The following DST variants were observed in gnomAD, a reference collection of about 807,000 sequenced individuals.
DST encodes dystonin.
Under a neutral mutation model 875.2 loss-of-function variants are expected in DST, and 253 were observed. That is an observed-to-expected ratio of 0.29 (90% CI 0.26 to 0.32). The LOEUF is 0.32. Among genes scored for constraint, DST ranks in the 10% least tolerant of loss-of-function variants. DST has a pLI of 1.00. For missense variants in DST, 8,287 were observed against 9,111.6 expected, an observed-to-expected ratio of 0.91 and a Z score of 3.68; for synonymous variants, 3,124 against 3,197.1, an observed-to-expected ratio of 0.98 and a Z score of 0.77.
chr6:56,588,549 G>A (rs1425879359), intron 49 of DST, among the ~76,000 whole-genome samples: 2 of 152,024 alleles, frequency 1.3e-5, no homozygotes, highest in East Asian at 3.9e-4. Context: ...CATCCCTTTT[G>A]GCTTTCTATT....
In DST at chr6:56,607,710, T is replaced by G. The variant is rs1486827364; in HGVS notation, c.6918A>C (p.Glu2306Asp). The change falls in exon 40 of 104, where the codon GAA becomes GAC. Residue 2306 changes from glutamate (E) to aspartate (D), a missense_variant. By Grantham distance (45) the Glu-to-Asp change is conservative. Coordinates refer to ENST00000680361, the MANE Select transcript of DST (RefSeq NM_001374736.1). Reference sequence around the variant, plus strand: ...CACTATTGATAACAGTATTTCTCATTTCATTAAATTCTTCATCTATAGCAC... The same window carrying G: ...CACTATTGATAACAGTATTTCTCATGTCATTAAATTCTTCATCTATAGCAC... ...RKCAIDEEFN[E>D]MRNTVINSEF... 5.0e-6 allele frequency: 8 copies of G among 1,613,502 alleles called. No homozygotes were observed. Among genetic ancestry groups the G allele is most frequent in the Non-Finnish European group, 6.8e-6 (8 of 1,179,654 alleles).
chr6:56,532,478 A>C lies in DST; in HGVS notation c.16974T>G (p.Ser5658=). ...LLQRLLDDRK[S]TVEVIKREGE... Reference sequence around the variant, plus strand: ...CTTCTCGTTTGATTACCTCCACCGTAGATTTTCGGTCATCCAACAATCTCT... The same window carrying C: ...CTTCTCGTTTGATTACCTCCACCGTCGATTTTCGGTCATCCAACAATCTCT... The change falls in exon 64 of 104, where the codon TCT becomes TCG. Residue 5658 remains serine (S), a synonymous_variant. Transcript: ENST00000680361. The C allele has an allele frequency of 6.2e-7, 1 of 1,606,820 alleles. No individual in the cohort carries two copies. Among genetic ancestry groups the C allele is most frequent in the Non-Finnish European group, 8.5e-7 (1 of 1,176,288 alleles).
chr6:56,497,555 T>G (rs377463712), intron 81 of DST, 48 bp from the exon 82 acceptor site: 2 of 1,595,774 alleles, frequency 1.3e-6, no homozygotes, highest in African/African-American at 1.3e-5. Flanking sequence ...ACTGTCAGTT[T>G]CAAGCAGGAA....
intron 3 of DST, chr6:56,861,840 T>C (rs1403751643): frequency 1.3e-5 from 2 of 152,134 alleles, no homozygotes; most frequent in Non-Finnish European, 2.9e-5. Flanking sequence ...CCCCAGAACC[T>C]TAACACAATT....
chr6:56,564,802 C>T (rs1022827317), intron 55 of DST, among the ~76,000 whole-genome samples: 1 of 152,090 alleles, frequency 6.6e-6, no homozygotes, highest in African/African-American at 2.4e-5. Context: ...TTATCGAAGG[C>T]CTTTTCTGCA....
At chr6:56,906,910 GAGGTGA>G (rs1449484580) in intron 2 of DST, among the ~76,000 whole-genome samples, 8 of 152,158 alleles carry the variant, frequency 5.3e-5, no homozygotes, top group Non-Finnish European at 7.3e-5. Context: ...TAACAGATGT[GAGGTGA>G]TAGCTCACTG....
intron 2 of DST, among the ~76,000 whole-genome samples, chr6:56,946,714 T>C (rs1819666448): frequency 6.6e-6 from 1 of 152,206 alleles, no homozygotes; most frequent in African/African-American, 2.4e-5. Flanking sequence ...GAGCTATTAC[T>C]TGATACATTA....
intron 92 of DST, 41 bp from the exon 93 acceptor site, chr6:56,474,043 A>C (rs979662980): frequency 5.9e-6 from 9 of 1,534,022 alleles, no homozygotes; most frequent in Non-Finnish European, 7.9e-6. Context: ...AAGAGTTACT[A>C]CAGAAAACCG....
intron 4 of DST, among the ~76,000 whole-genome samples, chr6:56,799,318 G>A (rs1013789152): frequency 2.0e-5 from 3 of 151,628 alleles, no homozygotes; most frequent in Non-Finnish European, 4.4e-5. Context: ...TTGTGCCACT[G>A]TGCTCCAGCC....
intron 2 of DST, among the ~76,000 whole-genome samples, chr6:56,936,128 C>T (rs1398122972): frequency 6.6e-6 from 1 of 152,086 alleles, no homozygotes; most frequent in Non-Finnish European, 1.5e-5. Flanking sequence ...CTGTCAAAAT[C>T]CTACAAGATT....
intron 61 of DST, 37 bp from the exon 62 acceptor site, chr6:56,536,977 T>A: frequency 6.3e-7 from 1 of 1,588,936 alleles, no homozygotes; most frequent in Non-Finnish European, 8.6e-7. Context: ...TGAGTTATAT[T>A]ACCTATCAAC....
intron 4 of DST, among the ~76,000 whole-genome samples, chr6:56,814,987 G>C (rs575185706): frequency 2.0e-4 from 31 of 152,240 alleles, no homozygotes; most frequent in African/African-American, 6.7e-4. Context: ...GGGGGCAAAG[G>C]CTGCAGAGCC....
At chr6:56,818,846 C>G (rs1157566746) in intron 4 of DST, among the ~76,000 whole-genome samples, 1 of 152,144 alleles carries the variant, frequency 6.6e-6, no homozygotes, top group Non-Finnish European at 1.5e-5. Flanking sequence ...TCCATAGGAA[C>G]TGGTTTCCTA....
chr6:56,694,771 C>G (rs979101134), intron 9 of DST, among the ~76,000 whole-genome samples: 4 of 151,952 alleles, frequency 2.6e-5, no homozygotes, highest in African/African-American at 9.7e-5. Flanking sequence ...GTCACAGGGG[C>G]GGCTCCCTCA....
chr6:56,594,165 T>C lies in DST; in HGVS notation c.12224A>G (p.His4075Arg), dbSNP rs1327772394. The change falls in exon 48 of 104, where the codon CAC becomes CGC. Residue 4075 changes from histidine to arginine, a missense_variant. By Grantham distance (29) the His-to-Arg change is conservative. Coordinates refer to ENST00000680361, the MANE Select transcript of DST (RefSeq NM_001374736.1). The part of the protein sequence containing the change: ...KAQHEKIISQ[H>R]QAVIIATQSA... ...CTGAGTGGCTATGATCACTGCTTGG[T>C]GCTGAGAGATGATCTTCTCGTGTTG... is the stretch of plus-strand genomic sequence containing the variant. 1.3e-6 allele frequency: 2 copies of C among 1,541,402 alleles called. No homozygotes were observed. The highest frequency in any genetic ancestry group is 2.8e-5 in the African/African-American group (2 of 72,182).
chr6:56,834,930 C>A (rs1562090525), intron 4 of DST, among the ~76,000 whole-genome samples: 2 of 152,164 alleles, frequency 1.3e-5, no homozygotes, highest in Non-Finnish European at 2.9e-5. Context: ...TAACTGTCAA[C>A]CCTTAGGAGC....
At chr6:56,873,597 G>C (rs1408283473) in intron 3 of DST, among the ~76,000 whole-genome samples, 3 of 152,168 alleles carry the variant, frequency 2.0e-5, no homozygotes, top group Non-Finnish European at 4.4e-5. Flanking sequence ...ATTATGTTAA[G>C]TGCAGTAAGC....
intron 53 of DST, 100 bp downstream of exon 53, chr6:56,571,998 CAA>C: frequency 1.7e-6 from 1 of 573,200 alleles, no homozygotes; most frequent in Non-Finnish European, 2.6e-6. Flanking sequence ...TGCTTATTCT[CAA>C]GTTTTCAAAA....
chr6:56,653,464 C>T (rs544069961), intron 10 of DST, among the ~76,000 whole-genome samples: 40 of 152,256 alleles, frequency 2.6e-4, no homozygotes, highest in African/African-American at 9.6e-4. Flanking sequence ...GAGGGCAGAT[C>T]ACCTGAGGTC....
Sources: gnomAD v4.1 joint callset for allele counts (sites outside exome capture counted in the v4.1 genomes callset) on GRCh38, gnomAD v4.1.1 for gene constraint, MANE v1.5 for transcripts, NCBI Gene and HGNC (gene_info 2026-07-23, HGNC 2026-07-21) for gene names.